The following PCDH11X variants were observed in gnomAD, a reference collection of about 807,000 sequenced individuals.
PCDH11X encodes the protein protocadherin 11 X-linked.
In PCDH11X, 18 loss-of-function variants were observed where a neutral mutation model predicts 53.3. That is an observed-to-expected ratio of 0.34 (90% confidence interval 0.23 to 0.50). PCDH11X has a LOEUF of 0.50. Ranked by LOEUF, PCDH11X falls within the 20% of genes least tolerant of loss-of-function variation. PCDH11X has a pLI of 0.98. For missense variants in PCDH11X, 570 were observed against 1,032.4 expected, an observed-to-expected ratio of 0.55 and a Z score of 6.14; for synonymous variants, 279 against 393.3, an observed-to-expected ratio of 0.71 and a Z score of 3.44.
At chrX:92,369,418 T>C (rs1474626066) in intron 8 of PCDH11X, among the ~76,000 whole-genome samples, 7 of 111,666 alleles carry the variant, frequency 6.3e-5, no homozygotes, top group South Asian at 3.8e-4. Context: ...GCAGTGAGAA[T>C]TTCAAGCCAG....
intron 9 of PCDH11X, among the ~76,000 whole-genome samples, chrX:92,431,412 C>G (rs1331220217): frequency 9.1e-6 from 1 of 110,364 alleles, no homozygotes; most frequent in Non-Finnish European, 1.9e-5. Flanking sequence ...CAAAATTGCA[C>G]TGGAGTTTAA....
intron 6 of PCDH11X, among the ~76,000 whole-genome samples, chrX:92,061,922 A>T (rs1489994096): frequency 9.0e-6 from 1 of 111,723 alleles, no homozygotes; most frequent in East Asian, 2.8e-4. Context: ...ATGGCCATTT[A>T]ACAATATTGA....
chrX:91,819,220 T>C (rs1936551622), intron 4 of PCDH11X, among the ~76,000 whole-genome samples: 1 of 108,994 alleles, frequency 9.2e-6, no homozygotes, highest in Non-Finnish European at 1.9e-5. Flanking sequence ...TGATAAATCA[T>C]TTTTCATTTC....
chrX:92,010,459 C>A (rs1343421928), intron 6 of PCDH11X, among the ~76,000 whole-genome samples: 2 of 110,205 alleles, frequency 1.8e-5, no homozygotes, highest in Non-Finnish European at 3.8e-5. Flanking sequence ...CAGACATAGC[C>A]AATAATATGA....
intron 7 of PCDH11X, among the ~76,000 whole-genome samples, chrX:92,211,018 A>G (rs375353977): frequency 3.6e-5 from 4 of 111,794 alleles, no homozygotes; most frequent in East Asian, 2.8e-4. Flanking sequence ...CCAGTTACTC[A>G]GTTCCAAAGT....
At chrX:92,481,651 T>A (rs925341408) in intron 10 of PCDH11X, among the ~76,000 whole-genome samples, 3 of 111,644 alleles carry the variant, frequency 2.7e-5, no homozygotes, top group African/African-American at 9.8e-5. Context: ...AGAGTTCAGG[T>A]CTGACAGTTC....
intron 10 of PCDH11X, among the ~76,000 whole-genome samples, chrX:92,585,373 C>CTTTT (rs1273543624): frequency 1.7e-4 from 16 of 92,408 alleles, no homozygotes; most frequent in African/African-American, 5.7e-4. Flanking sequence ...CTTTCTTTTT[C>CTTTT]TTTTTTTTTT....
intron 6 of PCDH11X, among the ~76,000 whole-genome samples, chrX:92,059,967 C>T (rs2063503121): frequency 9.0e-6 from 1 of 110,874 alleles, no homozygotes; most frequent in Non-Finnish European, 1.9e-5. Context: ...TTGACATGCA[C>T]AACTAATTTA....
At chrX:92,233,099 C>T (rs2067111103) in intron 7 of PCDH11X, among the ~76,000 whole-genome samples, 1 of 108,975 alleles carries the variant, frequency 9.2e-6, no homozygotes, top group Admixed American at 1.0e-4. Context: ...TGATTTTCTG[C>T]ATCCTAAACC....
intron 6 of PCDH11X, among the ~76,000 whole-genome samples, chrX:91,962,446 AGAGGT>A (rs1394917080): frequency 1.8e-5 from 2 of 112,678 alleles, no homozygotes; most frequent in Admixed American, 1.9e-4. Flanking sequence ...TGCTGATGCA[AGAGGT>A]GAGCTCTCAA....
chrX:91,823,870 G>C (rs1222767699), intron 4 of PCDH11X, among the ~76,000 whole-genome samples: 4 of 110,532 alleles, frequency 3.6e-5, no homozygotes, highest in African/African-American at 1.3e-4. Flanking sequence ...GGCAGGCCTG[G>C]TGGTGACAAA....
At chrX:92,507,387 C>CT (rs2074082661) in intron 10 of PCDH11X, among the ~76,000 whole-genome samples, 1 of 111,064 alleles carries the variant, frequency 9.0e-6, no homozygotes, top group Non-Finnish European at 1.9e-5. Context: ...TTTAACATTG[C>CT]TTTAATAGCT....
chrX:92,330,388 A>G (rs1439496942), intron 8 of PCDH11X, among the ~76,000 whole-genome samples: 1 of 111,052 alleles, frequency 9.0e-6, no homozygotes, highest in African/African-American at 3.3e-5. Context: ...AAAATAAAAT[A>G]ACATTTAGAA....
At chrX:92,028,819 C>T (rs1037009240) in intron 6 of PCDH11X, among the ~76,000 whole-genome samples, 6 of 110,709 alleles carry the variant, frequency 5.4e-5, no homozygotes, top group Admixed American at 2.0e-4. Context: ...TAGGACTCAC[C>T]AGGTATAAAC....
intron 5 of PCDH11X, among the ~76,000 whole-genome samples, chrX:91,850,275 A>G (rs1937931487): frequency 9.1e-6 from 1 of 110,162 alleles, no homozygotes; most frequent in African/African-American, 3.3e-5. Flanking sequence ...ACCTCAGTGT[A>G]ATAGGCATCA....
At chrX:91,998,601 C>A (rs1462419458) in intron 6 of PCDH11X, among the ~76,000 whole-genome samples, 1 of 110,263 alleles carries the variant, frequency 9.1e-6, no homozygotes, top group Non-Finnish European at 1.9e-5. Flanking sequence ...CTACAAAAGT[C>A]TGAAATAATT....
At chrX:92,169,670 A>G (rs2065790598) in intron 6 of PCDH11X, among the ~76,000 whole-genome samples, 1 of 106,767 alleles carries the variant, frequency 9.4e-6, no homozygotes, top group African/African-American at 3.4e-5. Context: ...GAGGCAGTAG[A>G]ATATATTATA....
chrX:92,163,002 CA>C (rs1334650199), intron 6 of PCDH11X, among the ~76,000 whole-genome samples: 2 of 99,787 alleles, frequency 2.0e-5, no homozygotes, highest in Non-Finnish European at 4.0e-5. Context: ...TTGGGCAGGG[CA>C]TGCTGTGGCT....
At chrX:92,046,176 C>T (rs759560274) in intron 6 of PCDH11X, among the ~76,000 whole-genome samples, 14 of 111,044 alleles carry the variant, frequency 1.3e-4, no homozygotes, top group East Asian at 1.1e-3. Flanking sequence ...GTATTTATGA[C>T]GCATAAATTG....
Sources: allele counts gnomAD v4.1 joint callset (sites outside exome capture counted in the v4.1 genomes callset), GRCh38; gene constraint gnomAD v4.1.1; transcripts MANE v1.5; gene names NCBI Gene and HGNC (gene_info 2026-07-23, HGNC 2026-07-21).